Variants in CECR2 observed in about 807,000 individuals in gnomAD.
CECR2 encodes the protein CECR2 histone acetyl-lysine reader.
In CECR2, 30 loss-of-function variants were observed where a neutral mutation model predicts 154.5. That is an observed-to-expected ratio of 0.19 (90% CI 0.15 to 0.26). The LOEUF (loss-of-function observed/expected upper bound fraction) is 0.26, where lower values mean the gene tolerates loss of function less well. Ranked by LOEUF, CECR2 falls within the 10% of genes least tolerant of loss-of-function variation. The probability of loss-of-function intolerance (pLI) is 1.00; values close to 1 mark genes in which losing one functional copy is unlikely to be tolerated. For missense variants in CECR2, 1,743 were observed against 1,829.3 expected, an observed-to-expected ratio of 0.95 and a Z score of 0.86; for synonymous variants, 725 against 683.7, an observed-to-expected ratio of 1.06 and a Z score of -0.94.
chr22:17,460,743 A>G (rs1388246243), intron 1 of CECR2, among the ~76,000 whole-genome samples: 9 of 152,092 alleles, frequency 5.9e-5, no homozygotes, highest in Admixed American at 3.9e-4. Context: ...GTTGAATCAC[A>G]TTAATAAACA....
intron 2 of CECR2, among the ~76,000 whole-genome samples, chr22:17,482,024 A>G (rs182750132): frequency 6.8e-6 from 1 of 146,732 alleles, no homozygotes; most frequent in East Asian, 2.1e-4. Flanking sequence ...CTGAGGCAGG[A>G]GAATGGCATG....
intron 1 of CECR2, among the ~76,000 whole-genome samples, chr22:17,438,165 A>C (rs2054533504): frequency 6.6e-6 from 1 of 152,218 alleles, no homozygotes; most frequent in Non-Finnish European, 1.5e-5. Context: ...TTATGCTTGG[A>C]AGCAAAGTAA....
intron 1 of CECR2, among the ~76,000 whole-genome samples, chr22:17,394,923 T>C (rs1030270986): frequency 6.6e-6 from 1 of 152,238 alleles, no homozygotes; most frequent in African/African-American, 2.4e-5. Context: ...TTTCAGATTG[T>C]TCATTGAAAA....
intron 1 of CECR2, among the ~76,000 whole-genome samples, chr22:17,429,116 G>A (rs1292504682): frequency 1.3e-5 from 2 of 152,026 alleles, no homozygotes; most frequent in Admixed American, 6.6e-5. Flanking sequence ...TGGTGGGATA[G>A]GGGAGAGTCT....
intron 8 of CECR2, among the ~76,000 whole-genome samples, chr22:17,518,243 G>A (rs941074522): frequency 2.1e-4 from 32 of 152,116 alleles, no homozygotes; most frequent in Admixed American, 1.3e-4. Context: ...CTTTGCATAC[G>A]GTGTGCAGTA....
intron 1 of CECR2, among the ~76,000 whole-genome samples, chr22:17,387,514 C>T (rs2063277573): frequency 6.6e-6 from 1 of 152,122 alleles, no homozygotes; most frequent in African/African-American, 2.4e-5. Context: ...AACGAGAAGG[C>T]CCCGGCTCCA....
chr22:17,431,116 G>C (rs961089547), intron 1 of CECR2, among the ~76,000 whole-genome samples: 2 of 152,140 alleles, frequency 1.3e-5, no homozygotes, highest in African/African-American at 2.4e-5. Context: ...TCTGAATGCT[G>C]TATCTGTTTT....
At chr22:17,449,683 G>A (rs534107953) in intron 1 of CECR2, among the ~76,000 whole-genome samples, 1 of 151,916 alleles carries the variant, frequency 6.6e-6, no homozygotes, top group South Asian at 2.1e-4. Flanking sequence ...TGGCGACGGG[G>A]TTTCACTGTG....
intron 1 of CECR2, among the ~76,000 whole-genome samples, chr22:17,451,017 C>G (rs186750223): frequency 6.6e-6 from 1 of 152,230 alleles, no homozygotes. Flanking sequence ...CGTGTCAGAG[C>G]CTGACCTGCT....
intron 8 of CECR2, among the ~76,000 whole-genome samples, chr22:17,516,719 C>CA (rs2056063127): frequency 6.6e-6 from 1 of 152,148 alleles, no homozygotes; most frequent in Non-Finnish European, 1.5e-5. Flanking sequence ...CTCAGCCTCA[C>CA]GAGTAGCTGG....
chr22:17,469,613 G>C lies in CECR2; in HGVS notation c.127-7975G>C, dbSNP rs1407234252. Among the ~76,000 whole-genome samples, 5 of 123,008 alleles carry C rather than the reference G, an allele frequency of 4.1e-5. No homozygotes were observed. The East Asian group carries it at 1.5e-3, about 36-fold the overall frequency. 80.7% of individuals were successfully genotyped at this position (123,008 alleles called of 152,430 possible). A position where few individuals can be genotyped will look rare whatever the true frequency, so the allele number is the denominator to read the frequency against. On this transcript the variant is annotated intron_variant, in intron 1 of 18. Coordinates refer to ENST00000262608, the MANE Select transcript of CECR2 (RefSeq NM_001290047.2). Reference sequence around the variant, plus strand: ...ACATTGTTTTTTTTTTTTTTTTCCAGTAAGAATCCAGTTCTCTTTTCTTCA... The same window carrying C: ...ACATTGTTTTTTTTTTTTTTTTCCACTAAGAATCCAGTTCTCTTTTCTTCA...
chr22:17,402,288 A>G (rs2053906221), intron 1 of CECR2, among the ~76,000 whole-genome samples: 1 of 152,162 alleles, frequency 6.6e-6, no homozygotes, highest in African/African-American at 2.4e-5. Context: ...CCTGGCCAAC[A>G]TTTTAACTTT....
chr22:17,457,966 G>A (rs1034102976), intron 1 of CECR2, among the ~76,000 whole-genome samples: 8 of 152,146 alleles, frequency 5.3e-5, no homozygotes, highest in African/African-American at 1.7e-4. Flanking sequence ...ACATTATAGA[G>A]ACAGAGAACA....
chr22:17,424,032 G>A (rs2054295524), intron 1 of CECR2, among the ~76,000 whole-genome samples: 1 of 152,094 alleles, frequency 6.6e-6, no homozygotes, highest in South Asian at 2.1e-4. Context: ...TCTATTCAGA[G>A]CCTATAGCTC....
chr22:17,368,190 G>C (rs1046044269), upstream of CECR2, among the ~76,000 whole-genome samples: 9 of 152,136 alleles, frequency 5.9e-5, no homozygotes, highest in African/African-American at 1.9e-4. Context: ...AGGGAGAGTG[G>C]AGGGGTAATT....
At chr22:17,541,353 A>G (rs2056519754) in intron 14 of CECR2, among the ~76,000 whole-genome samples, 1 of 152,110 alleles carries the variant, frequency 6.6e-6, no homozygotes, top group Admixed American at 6.6e-5. Flanking sequence ...GCTGAGGCAA[A>G]AGAATTGCTT....
upstream of CECR2, among the ~76,000 whole-genome samples, chr22:17,367,834 C>T (rs767442026): frequency 7.9e-5 from 12 of 152,230 alleles, no homozygotes; most frequent in Non-Finnish European, 1.2e-4. Flanking sequence ...ATGCAATACT[C>T]ACGGGGTAGC....
chr22:17,368,810 C>A (rs568524641), upstream of CECR2, among the ~76,000 whole-genome samples: 12 of 152,244 alleles, frequency 7.9e-5, no homozygotes, highest in African/African-American at 2.6e-4. Flanking sequence ...TCCCGCTTGG[C>A]TGCTGATTGG....
chr22:17,401,724 T>C (rs755242293), intron 1 of CECR2, among the ~76,000 whole-genome samples: 1 of 152,142 alleles, frequency 6.6e-6, no homozygotes. Context: ...AGTGCACCTA[T>C]TGGCAAAAAT....
Sources: gnomAD v4.1 joint callset for allele counts (sites outside exome capture counted in the v4.1 genomes callset) on GRCh38, gnomAD v4.1.1 for gene constraint, MANE v1.5 for transcripts, NCBI Gene and HGNC (gene_info 2026-07-23, HGNC 2026-07-21) for gene names.